The following LRBA variants were observed in gnomAD, a reference collection of about 807,000 sequenced individuals.
LRBA encodes lipopolysaccharide-responsive and beige-like anchor protein.
LRBA carries 176 observed loss-of-function variants against 330.0 expected under a neutral mutation model. The ratio of observed to expected loss-of-function variants is 0.53; its 90% confidence interval spans 0.47 to 0.60. The LOEUF is 0.60. Among genes scored for constraint, LRBA ranks in the 20% least tolerant of loss-of-function variants. The pLI is 0.00. For synonymous variants in LRBA, 1,230 were observed against 1,193.0 expected (o/e 1.03, Z -0.64); for missense variants, 3,259 against 3,444.8 (o/e 0.95, Z 1.35).
At chr4:150,850,259 A>G (rs555124452) in intron 24 of LRBA, among the ~76,000 whole-genome samples, 2 of 151,950 alleles carry the variant, frequency 1.3e-5, no homozygotes, top group African/African-American at 4.8e-5. Flanking sequence ...ACTCCCAGCT[A>G]ATTTTTTTGT....
chr4:150,703,811 G>C (rs1355074663), intron 36 of LRBA, among the ~76,000 whole-genome samples: 1 of 151,282 alleles, frequency 6.6e-6, no homozygotes, highest in African/African-American at 2.4e-5. Context: ...TGTTATATTT[G>C]TATGAATTTA....
At chr4:150,817,082 A>G (rs1744708452) in intron 31 of LRBA, 42 bp downstream of exon 31, 1 of 1,591,250 alleles carries the variant, frequency 6.3e-7, no homozygotes, top group Admixed American at 1.7e-5. Context: ...CTAAAATGAG[A>G]TCTAAAAACA....
intron 35 of LRBA, among the ~76,000 whole-genome samples, chr4:150,753,700 AT>A (rs1265535723): frequency 1.3e-5 from 2 of 152,178 alleles, no homozygotes; most frequent in Non-Finnish European, 2.9e-5. Flanking sequence ...AGAATTTAGC[AT>A]TTTTAGGGGG....
At chr4:150,980,642 AGAAAAG>A (rs759451431) in intron 2 of LRBA, among the ~76,000 whole-genome samples, 2 of 152,120 alleles carry the variant, frequency 1.3e-5, no homozygotes, top group Non-Finnish European at 2.9e-5. Flanking sequence ...AAATTCGGAG[AGAAAAG>A]GAAGGGGAAG....
intron 15 of LRBA, among the ~76,000 whole-genome samples, chr4:150,897,249 A>G (rs924311805): frequency 1.3e-5 from 2 of 152,042 alleles, no homozygotes; most frequent in African/African-American, 2.4e-5. Flanking sequence ...ATATATTGCT[A>G]TCTTATAAAA....
At chr4:150,848,562 G>GAAAAAAAAAAAAAAAAAAAAAAAA (rs9331496) in intron 26 of LRBA, among the ~76,000 whole-genome samples, 1 of 120,044 alleles carries the variant, frequency 8.3e-6, no homozygotes, top group Non-Finnish European at 1.7e-5. Context: ...GGAGAAAAAA[G>GAAAAAAAAAAAAAAAAAAAAAAAA]AAAAAAAAAA....
At chr4:150,656,402 G>A (rs555754263) in intron 37 of LRBA, among the ~76,000 whole-genome samples, 41 of 152,270 alleles carry the variant, frequency 2.7e-4, no homozygotes, top group African/African-American at 7.7e-4. Context: ...TGTTTGTGTT[G>A]TTGTGGGTTT....
intron 30 of LRBA, among the ~76,000 whole-genome samples, chr4:150,826,805 T>C (rs1746347754): frequency 6.6e-6 from 1 of 152,128 alleles, no homozygotes; most frequent in Non-Finnish European, 1.5e-5. Flanking sequence ...AGGAAACAAC[T>C]GTCAACACTA....
chr4:150,977,205 G>A (rs1398479579), intron 2 of LRBA, among the ~76,000 whole-genome samples: 2 of 152,200 alleles, frequency 1.3e-5, no homozygotes, highest in Non-Finnish European at 2.9e-5. Flanking sequence ...CAACAAAAGT[G>A]ACTCCTTCCA....
intron 17 of LRBA, 90 bp downstream of exon 17, chr4:150,892,962 A>G (rs1729623497): frequency 1.3e-6 from 1 of 752,540 alleles, no homozygotes; most frequent in African/African-American, 1.8e-5. Context: ...CTCATTTCAT[A>G]TGTAAGTTTA....
chr4:150,635,778 A>C (rs888132532), intron 37 of LRBA, among the ~76,000 whole-genome samples: 3 of 152,182 alleles, frequency 2.0e-5, no homozygotes, highest in African/African-American at 7.2e-5. Flanking sequence ...AGCACCACTC[A>C]AATTTTACTA....
At chr4:150,539,741 T>C (rs1227741722) in intron 40 of LRBA, among the ~76,000 whole-genome samples, 2 of 152,182 alleles carry the variant, frequency 1.3e-5, no homozygotes, top group South Asian at 2.1e-4. Context: ...CTAAGTGATC[T>C]GGAGAACAGT....
intron 2 of LRBA, among the ~76,000 whole-genome samples, chr4:151,010,791 C>A (rs76820334): frequency 7.5e-5 from 11 of 147,410 alleles, no homozygotes; most frequent in East Asian, 4.0e-4. Context: ...GGCTGAGGCA[C>A]AAGAATTGCT....
intron 37 of LRBA, among the ~76,000 whole-genome samples, chr4:150,637,740 A>C (rs1464591575): frequency 6.6e-6 from 1 of 152,208 alleles, no homozygotes; most frequent in Admixed American, 6.5e-5. Flanking sequence ...TTGAGCCTTC[A>C]GATGAGAACC....
Position 150,637,479 on chromosome 4 carries a change from T to C in LRBA, c.5922-38348A>G, listed in dbSNP as rs566452692. Among the ~76,000 whole-genome samples the C allele has an allele frequency of 2.6e-5, 4 of 152,306 alleles. No homozygotes were observed. In the South Asian group the frequency reaches 8.3e-4, roughly 32 times the overall value. ...TGTTCATGGTCTTGACAATCCCTCC[T>C]TGAGTAATTTGCTTCTAACCAATGA... On this transcript the variant is annotated intron_variant, in intron 37 of 56. Transcript: ENST00000651943.
At chr4:150,692,204 GTGTTTGTTTGTT>G (rs113091683) in intron 36 of LRBA, among the ~76,000 whole-genome samples, 47 of 151,848 alleles carry the variant, frequency 3.1e-4, no homozygotes, top group East Asian at 1.9e-3. Context: ...TATTTAAGAA[GTGTTTGTTTGTT>G]TGTTTGTTTG....
chr4:150,904,066 A>G (rs1731048741), intron 13 of LRBA, among the ~76,000 whole-genome samples: 1 of 152,176 alleles, frequency 6.6e-6, no homozygotes, highest in African/African-American at 2.4e-5. Context: ...TCTAAGATAA[A>G]TGGAAATTAT....
At chr4:150,362,614 T>C (rs990004910) in intron 47 of LRBA, among the ~76,000 whole-genome samples, 2 of 152,194 alleles carry the variant, frequency 1.3e-5, no homozygotes, top group Non-Finnish European at 2.9e-5. Flanking sequence ...TTTGCCCTTA[T>C]AACAAGATCT....
chr4:150,993,735 C>G (rs547008769), intron 2 of LRBA, among the ~76,000 whole-genome samples: 8 of 152,276 alleles, frequency 5.3e-5, no homozygotes, highest in African/African-American at 1.9e-4. Context: ...ACCATCAGAT[C>G]TCATGAGACT....
Sources: gnomAD v4.1 joint callset for allele counts (sites outside exome capture counted in the v4.1 genomes callset) on GRCh38, gnomAD v4.1.1 for gene constraint, MANE v1.5 for transcripts, NCBI Gene and HGNC (gene_info 2026-07-23, HGNC 2026-07-21) for gene names.